Variants in DDX6 observed in about 807,000 individuals in gnomAD.
The protein encoded by DDX6 is probable ATP-dependent RNA helicase DDX6.
In DDX6, 7 loss-of-function variants were observed where a neutral mutation model predicts 60.6. The observed-to-expected ratio is 0.12, with a 90% CI of 0.07 to 0.22. The LOEUF (loss-of-function observed/expected upper bound fraction) is 0.22, where lower values mean the gene tolerates loss of function less well. Among genes scored for constraint, DDX6 ranks in the 10% least tolerant of loss-of-function variants. The pLI, the probability that DDX6 is intolerant of heterozygous loss-of-function variation, is 1.00. For synonymous variants in DDX6, 207 were observed against 201.0 expected (o/e 1.03, Z -0.25); for missense variants, 270 against 589.9 (o/e 0.46, Z 5.62).
intron 13 of DDX6, among the ~76,000 whole-genome samples, chr11:118,752,771 C>G (rs1343182851): frequency 6.6e-6 from 1 of 152,064 alleles, no homozygotes; most frequent in Non-Finnish European, 1.5e-5. Context: ...TCATGCATTT[C>G]TAACTAGAGC....
chr11:118,764,665 G>T (rs1467386389), intron 6 of DDX6, among the ~76,000 whole-genome samples: 1 of 151,932 alleles, frequency 6.6e-6, no homozygotes. Context: ...TTAGCCTGGC[G>T]TGGTAGCGGG....
At chr11:118,759,813 G>T in intron 8 of DDX6, 109 bp downstream of exon 8, 1 of 1,236,176 alleles carries the variant, frequency 8.1e-7, no homozygotes, top group Non-Finnish European at 1.1e-6. Flanking sequence ...CCAAAGGCTT[G>T]AAATAATTAG....
intron 6 of DDX6, 63 bp from the exon 7 acceptor site, chr11:118,763,369 T>C: frequency 8.0e-7 from 1 of 1,257,304 alleles, no homozygotes; most frequent in Non-Finnish European, 1.2e-6. Flanking sequence ...AGGATAAAGG[T>C]TTATAATATT....
chr11:118,763,651 C>T (rs1052204543), intron 6 of DDX6, among the ~76,000 whole-genome samples: 2 of 151,756 alleles, frequency 1.3e-5, no homozygotes, highest in Middle Eastern at 3.4e-3. Context: ...CTGGCCAACA[C>T]GGTGAAACCC....
Position 118,758,993 on chromosome 11 carries a change from C to G in DDX6, c.865-91G>C, listed in dbSNP as rs534243991. 41 of 1,503,494 alleles carry G rather than the reference C, an allele frequency of 2.7e-5. No individual in the cohort carries two copies. The African/African-American group carries it at 5.4e-4, about 20-fold the overall frequency. 93.1% of individuals were successfully genotyped at this position (1,503,494 alleles called of 1,614,324 possible). A position where few individuals can be genotyped will look rare whatever the true frequency, so the allele number is the denominator to read the frequency against. The stretch of plus-strand genomic sequence containing the variant: ...AAAATATACCCTATACGTTTCTGTC[C>G]GATAAACTCTTGCTGTAAGGGACGC... On this transcript the variant is annotated intron_variant, in intron 8 of 13. Coordinates refer to ENST00000534980, the MANE Select transcript of DDX6 (RefSeq NM_004397.6).
chr11:118,762,487 T>C (rs1861209042), intron 7 of DDX6, among the ~76,000 whole-genome samples: 1 of 95,498 alleles, frequency 1.0e-5, no homozygotes, highest in Admixed American at 1.3e-4. Flanking sequence ...CCACTTACCT[T>C]AGCTTACAGT....
rs373892667 is a variant in DDX6, at chr11:118,765,397, G to A, written c.500-42C>T. ...GAATATATAAGAAAATATGGGGTGA[G>A]GTGGGAGAACATGCTATACATCATT... On this transcript the variant is annotated intron_variant, in intron 5 of 13. Transcript: ENST00000534980. 45 of 1,602,676 alleles carry A rather than the reference G, an allele frequency of 2.8e-5. No individual in the cohort carries two copies. In the African/African-American group the frequency reaches 5.6e-4, roughly 20 times the overall value.
intron 5 of DDX6, among the ~76,000 whole-genome samples, chr11:118,765,578 C>T (rs1331620363): frequency 1.6e-4 from 24 of 152,004 alleles, no homozygotes; most frequent in African/African-American, 4.6e-4. Flanking sequence ...AGTTCGAGAG[C>T]AGCCTGACCA....
chr11:118,789,668 AC>A (rs1254564677), intron 1 of DDX6: 1 of 152,248 alleles, frequency 6.6e-6, no homozygotes, highest in Non-Finnish European at 1.5e-5. Context: ...CAGCGATATC[AC>A]GCAGTTCACA....
At chr11:118,770,982 A>G (rs548241435) in intron 4 of DDX6, among the ~76,000 whole-genome samples, 1 of 152,230 alleles carries the variant, frequency 6.6e-6, no homozygotes, top group Non-Finnish European at 1.5e-5. Context: ...AAGCAAACAA[A>G]GAAGAAAACC....
chr11:118,756,182 A>G (rs1185900525), intron 11 of DDX6, 78 bp downstream of exon 11: 4 of 1,112,896 alleles, frequency 3.6e-6, no homozygotes, highest in Non-Finnish European at 5.4e-6. Context: ...CACAGGTTGC[A>G]CTATGTAATA....
At chr11:118,789,396 TATAAA>T (rs1349496823) in intron 1 of DDX6, 2 of 152,270 alleles carry the variant, frequency 1.3e-5, no homozygotes, top group Admixed American at 1.3e-4. Context: ...ACATTTCTTA[TATAAA>T]ATACACTAGC....
intron 1 of DDX6, chr11:118,790,308 A>C (rs1162392503): frequency 6.6e-6 from 1 of 152,042 alleles, no homozygotes; most frequent in African/African-American, 2.4e-5. Context: ...GGGGCTCTGC[A>C]ATCTTATCTG....
At chr11:118,752,277 TG>T (rs1312281465) in intron 13 of DDX6, among the ~76,000 whole-genome samples, 180 bp from the exon 14 acceptor site, 5 of 152,110 alleles carry the variant, frequency 3.3e-5, no homozygotes, top group African/African-American at 1.2e-4. Flanking sequence ...TGAGATAGAT[TG>T]GGGGCCTGAA....
rs1046881451 is a variant in DDX6 at position 118,749,292 on chromosome 11, A to G, written c.*2813T>C. Reference sequence around the variant, plus strand: ...TTACTTAAAAAAATACATATTTAATATTGGAAAGAATGTGAAAACAACTTC... The same window carrying G: ...TTACTTAAAAAAATACATATTTAATGTTGGAAAGAATGTGAAAACAACTTC... On this transcript the variant is annotated 3_prime_UTR_variant, in exon 14 of 14. Coordinates refer to ENST00000534980, the MANE Select transcript of DDX6 (RefSeq NM_004397.6). The G allele has an allele frequency of 7.1e-6, 1 of 140,542 alleles. No homozygotes were observed. The highest frequency in any genetic ancestry group is 1.5e-5 in the Non-Finnish European group (1 of 65,142). 8.7% of individuals were successfully genotyped at this position (140,542 alleles called of 1,614,324 possible). A position where few individuals can be genotyped will look rare whatever the true frequency, so the allele number is the denominator to read the frequency against.
At chr11:118,763,852 A>AAAG (rs10674863) in intron 6 of DDX6, among the ~76,000 whole-genome samples, 31,655 of 145,142 alleles carry the variant, frequency 0.22, 3,610 homozygotes, top group South Asian at 0.35. Context: ...AAAAAAAAAA[A>AAAG]AAAGAAAGAA....
At chr11:118,779,495 C>T in intron 4 of DDX6, 137 bp downstream of exon 4, 1 of 559,308 alleles carries the variant, frequency 1.8e-6, no homozygotes, top group Non-Finnish European at 3.2e-6. Context: ...TTCTAATTTA[C>T]CCTTAAAAAT....
intron 5 of DDX6, chr11:118,767,482 C>T (rs921250165): frequency 6.6e-6 from 1 of 152,158 alleles, no homozygotes; most frequent in East Asian, 1.9e-4. Flanking sequence ...TGCCTAGGCT[C>T]TTAAAATCCC....
chr11:118,754,223 A>G (rs1860885764), intron 13 of DDX6, among the ~76,000 whole-genome samples: 1 of 152,216 alleles, frequency 6.6e-6, no homozygotes, highest in Admixed American at 6.5e-5. Context: ...GGAGTTCAGG[A>G]GTTCTGGACC....
Sources: allele counts gnomAD v4.1 joint callset (sites outside exome capture counted in the v4.1 genomes callset), GRCh38; gene constraint gnomAD v4.1.1; transcripts MANE v1.5; gene names NCBI Gene and HGNC (gene_info 2026-07-23, HGNC 2026-07-21).